SWT1: variants seen among roughly 807,000 people sequenced by gnomAD.
The protein encoded by SWT1 is SWT1 RNA endoribonuclease homolog.
SWT1 carries 33 observed loss-of-function variants against 107.3 expected under a neutral mutation model. The ratio of observed to expected loss-of-function variants is 0.31; its 90% CI spans 0.23 to 0.41. The LOEUF (loss-of-function observed/expected upper bound fraction) is 0.41. Ranked by LOEUF, SWT1 falls within the 10% of genes least tolerant of loss-of-function variation. The pLI is 1.00. For synonymous variants in SWT1, 345 were observed against 348.3 expected (o/e 0.99, Z 0.11); for missense variants, 898 against 1,028.9 (o/e 0.87, Z 1.74).
intron 15 of SWT1, chr1:185,227,212 G>T: frequency 1.2e-6 from 1 of 833,476 alleles, no homozygotes; most frequent in Admixed American, 1.7e-5. Flanking sequence ...GCTCCCTTCA[G>T]GGTGCTAAAA....
chr1:185,282,274 C>G (rs868322611), intron 18 of SWT1, among the ~76,000 whole-genome samples: 2 of 152,148 alleles, frequency 1.3e-5, no homozygotes, highest in Middle Eastern at 3.4e-3. Flanking sequence ...TTGAGAAAAA[C>G]CACACCACAT....
intron 18 of SWT1, among the ~76,000 whole-genome samples, chr1:185,282,341 T>C (rs2102773511): frequency 6.6e-6 from 1 of 152,012 alleles, no homozygotes; most frequent in Admixed American, 6.6e-5. Context: ...CTTTATATTT[T>C]GTTTACCTTC....
At chr1:185,259,297 A>G (rs1372962350) in intron 16 of SWT1, among the ~76,000 whole-genome samples, 8 of 152,124 alleles carry the variant, frequency 5.3e-5, no homozygotes, top group Non-Finnish European at 8.8e-5. Context: ...GCTTTTTGAT[A>G]TATTGCCATC....
chr1:185,222,288 CT>C lies in SWT1; in HGVS notation c.2309+258del, dbSNP rs1367342025. Among the ~76,000 whole-genome samples, 13 of 152,046 alleles carry C rather than the reference CT, an allele frequency of 8.6e-5. No homozygotes were observed. The South Asian group carries it at 2.7e-3, about 32-fold the overall frequency. ...TTGTCACAAGTGACAGAATAACGTT[CT>C]TTTTTATGGATGAAAAGTATTCCAT... On this transcript the variant is annotated intron_variant, in intron 15 of 18. Transcript: ENST00000367500.
intron 16 of SWT1, among the ~76,000 whole-genome samples, chr1:185,246,834 C>T (rs1661649591): frequency 6.8e-6 from 1 of 148,040 alleles, no homozygotes; most frequent in Non-Finnish European, 1.5e-5. Context: ...TCACTATGTC[C>T]TCCAGGCTGG....
chr1:185,286,522 G>T (rs557089171), intron 18 of SWT1, among the ~76,000 whole-genome samples: 1 of 152,114 alleles, frequency 6.6e-6, no homozygotes, highest in East Asian at 1.9e-4. Context: ...CCGCATATGG[G>T]CAGTGTACAG....
chr1:185,190,680 A>C (rs770884644), intron 10 of SWT1, 38 bp downstream of exon 10: 1 of 1,207,084 alleles, frequency 8.3e-7, no homozygotes, highest in Non-Finnish European at 1.2e-6. Context: ...ATTTTTAAAA[A>C]ATAAACCAAA....
chr1:185,159,116 G>C (rs529493475), intron 1 of SWT1, among the ~76,000 whole-genome samples: 1 of 152,148 alleles, frequency 6.6e-6, no homozygotes, highest in Non-Finnish European at 1.5e-5. Context: ...CAAGGCAGAC[G>C]TCATGATATC....
intron 16 of SWT1, among the ~76,000 whole-genome samples, chr1:185,233,803 G>A (rs1298249964): frequency 6.6e-6 from 1 of 152,116 alleles, no homozygotes; most frequent in Non-Finnish European, 1.5e-5. Context: ...GAGTGCAGTA[G>A]CGCAATCTCA....
At chr1:185,167,417 T>C (rs79836281) in intron 3 of SWT1, among the ~76,000 whole-genome samples, 3,648 of 152,356 alleles carry the variant, frequency 0.024, 131 homozygotes, top group African/African-American at 0.082. Context: ...GTTGAAGTTA[T>C]GTACATATCC....
At chr1:185,246,018 T>G (rs1396829005) in intron 16 of SWT1, among the ~76,000 whole-genome samples, 2 of 152,124 alleles carry the variant, frequency 1.3e-5, no homozygotes, top group Admixed American at 6.5e-5. Context: ...TCTGCCCACC[T>G]CGGCCTCCCA....
At chr1:185,188,729 T>G (rs911352325) in intron 9 of SWT1, among the ~76,000 whole-genome samples, 6 of 152,188 alleles carry the variant, frequency 3.9e-5, no homozygotes, top group African/African-American at 1.4e-4. Flanking sequence ...AAAATGATTA[T>G]AAACTGGGAA....
intron 14 of SWT1, among the ~76,000 whole-genome samples, chr1:185,219,898 G>A (rs543519409): frequency 1.3e-5 from 2 of 151,902 alleles, no homozygotes; most frequent in Admixed American, 6.6e-5. Context: ...CACTTTGGAA[G>A]GCCAAGGTGG....
At chr1:185,181,258 A>C (rs913130575) in intron 6 of SWT1, among the ~76,000 whole-genome samples, 21 of 152,228 alleles carry the variant, frequency 1.4e-4, no homozygotes, top group Non-Finnish European at 1.9e-4. Flanking sequence ...ACAGAGCAAG[A>C]CTGTGTCTCA....
intron 9 of SWT1, among the ~76,000 whole-genome samples, chr1:185,186,768 T>C (rs1303231567): frequency 6.6e-6 from 1 of 152,040 alleles, no homozygotes; most frequent in African/African-American, 2.4e-5. Flanking sequence ...CCTTTTTTTT[T>C]TTTAAGATGG....
intron 8 of SWT1, 101 bp from the exon 9 acceptor site, chr1:185,184,642 T>A (rs1004985842): frequency 1.4e-6 from 1 of 737,964 alleles, no homozygotes; most frequent in Non-Finnish European, 2.2e-6. Flanking sequence ...TTCCTAAAGG[T>A]AGGGACTGTG....
At position 185,173,681 on chromosome 1, in the gene SWT1, C is replaced by T. The variant is rs150892738; in HGVS notation, c.225-691C>T. Among the ~76,000 whole-genome samples the T allele has an allele frequency of 5.1e-4, 77 of 152,038 alleles. No homozygotes were observed. The East Asian group carries it at 0.013, about 25-fold the overall frequency. On this transcript the variant is annotated intron_variant, in intron 4 of 18. Coordinates refer to ENST00000367500, the MANE Select transcript of SWT1 (RefSeq NM_017673.7). ...CCAAGATCGCGCCACTGCACTCCAG[C>T]CTGGTGACAAAGTGAGGCGCTGTCT...
intron 16 of SWT1, chr1:185,263,459 A>C (rs1663169939): frequency 6.6e-6 from 1 of 152,404 alleles, no homozygotes; most frequent in African/African-American, 2.4e-5. Context: ...CTCTTTAGTC[A>C]TGAATGAGGA....
chr1:185,263,537 A>T (rs1405153205), intron 16 of SWT1: 1 of 152,264 alleles, frequency 6.6e-6, no homozygotes, highest in Non-Finnish European at 1.5e-5. Flanking sequence ...CGGACTCACT[A>T]GCTAAGATAA....
Sources: gnomAD v4.1 joint callset for allele counts (sites outside exome capture counted in the v4.1 genomes callset) on GRCh38, gnomAD v4.1.1 for gene constraint, MANE v1.5 for transcripts, NCBI Gene and HGNC (gene_info 2026-07-23, HGNC 2026-07-21) for gene names.